The following RYR3 variants were observed in gnomAD, a reference collection of about 807,000 sequenced individuals.
RYR3 encodes brain ryanodine receptor-calcium release channel.
A neutral mutation model predicts 584.3 loss-of-function variants in RYR3; 207 were observed. The ratio of observed to expected loss-of-function variants is 0.35; its 90% confidence interval spans 0.32 to 0.40. The LOEUF (loss-of-function observed/expected upper bound fraction) is 0.40, where lower values mean the gene tolerates loss of function less well. Ranked by LOEUF, RYR3 falls within the 10% of genes least tolerant of loss-of-function variation. RYR3 has a pLI of 1.00. For synonymous variants in RYR3, 2,416 were observed against 2,248.5 expected (o/e 1.07, Z -2.11); for missense variants, 5,616 against 6,089.2 (o/e 0.92, Z 2.59).
At chr15:33,513,132 AT>A (rs1400752112) in intron 3 of RYR3, among the ~76,000 whole-genome samples, 3 of 152,234 alleles carry the variant, frequency 2.0e-5, no homozygotes, top group East Asian at 1.9e-4. Context: ...TCCTAGGAGA[AT>A]GGAAACTCTT....
intron 8 of RYR3, among the ~76,000 whole-genome samples, chr15:33,546,745 G>C (rs996765016): frequency 6.6e-6 from 1 of 152,030 alleles, no homozygotes; most frequent in Non-Finnish European, 1.5e-5. Flanking sequence ...TTCAAACCCA[G>C]GTCTGTCTTA....
intron 12 of RYR3, 59 bp from the exon 13 acceptor site, chr15:33,579,917 G>A (rs559524353): frequency 1.1e-4 from 153 of 1,407,322 alleles, no homozygotes; most frequent in Middle Eastern, 9.1e-4. Context: ...CCCAGTGGGT[G>A]TTCATCAGGG....
chr15:33,766,915 C>T (rs1418686038), intron 60 of RYR3, among the ~76,000 whole-genome samples: 2 of 152,190 alleles, frequency 1.3e-5, no homozygotes, highest in East Asian at 3.9e-4. Context: ...GACGGTGCTT[C>T]CAGTTAAATC....
At chr15:33,495,512 A>T (rs192127942) in intron 2 of RYR3, among the ~76,000 whole-genome samples, 1 of 152,232 alleles carries the variant, frequency 6.6e-6, no homozygotes, top group South Asian at 2.1e-4. Flanking sequence ...TTTATAAAGC[A>T]TCTTAGTGCA....
intron 1 of RYR3, among the ~76,000 whole-genome samples, chr15:33,418,192 T>C (rs1052863200): frequency 2.6e-5 from 4 of 152,130 alleles, no homozygotes; most frequent in South Asian, 2.1e-4. Context: ...ACTAGTTTTA[T>C]AGAATGAGTT....
chr15:33,628,938 T>A (rs572734055), intron 21 of RYR3, among the ~76,000 whole-genome samples: 12 of 152,312 alleles, frequency 7.9e-5, no homozygotes, highest in African/African-American at 2.9e-4. Context: ...CAGAGGAGGA[T>A]AGGGAATCTT....
At chr15:33,605,695 A>G (rs1349171078) in intron 18 of RYR3, among the ~76,000 whole-genome samples, 1 of 152,198 alleles carries the variant, frequency 6.6e-6, no homozygotes, top group African/African-American at 2.4e-5. Flanking sequence ...CAGGGAACAT[A>G]TATCTTGCAG....
chr15:33,385,306 T>C (rs77675421), intron 1 of RYR3, among the ~76,000 whole-genome samples: 8,638 of 152,282 alleles, frequency 0.057, 330 homozygotes, highest in Non-Finnish European at 0.089. Context: ...TTTTTCCCCT[T>C]GTAGAAGGTG....
At chr15:33,840,510 A>T in intron 89 of RYR3, 1 of 358,434 alleles carries the variant, frequency 2.8e-6, no homozygotes, top group Non-Finnish European at 5.0e-6. Context: ...TCTGTGTCCC[A>T]TGTCTTTCTG....
In RYR3 at chr15:33,550,066, A is replaced by G; in HGVS notation, c.816-94A>G. The G allele has an allele frequency of 3.1e-6, 4 of 1,310,280 alleles. No homozygotes were observed. The African/African-American group carries it at 5.9e-5, about 19-fold the overall frequency. 81.2% of individuals were successfully genotyped at this position (1,310,280 alleles called of 1,614,324 possible). On this transcript the variant is annotated intron_variant, in intron 9 of 103. Coordinates refer to ENST00000634891, the MANE Select transcript of RYR3 (RefSeq NM_001036.6). ...TAAGGATGGACACCAGAAGGGTTATAAGTCTGCTAGCATGTGTAAGAAAGC... is the reference window on the plus strand; with the variant it reads ...TAAGGATGGACACCAGAAGGGTTATGAGTCTGCTAGCATGTGTAAGAAAGC...
chr15:33,709,476 G>A (rs953000944), intron 43 of RYR3, among the ~76,000 whole-genome samples: 3 of 152,208 alleles, frequency 2.0e-5, no homozygotes, highest in South Asian at 2.1e-4. Context: ...CCCCTAAAAA[G>A]CATGTTTTAG....
intron 3 of RYR3, among the ~76,000 whole-genome samples, chr15:33,524,549 A>G (rs1211950039): frequency 1.3e-5 from 2 of 152,212 alleles, no homozygotes; most frequent in Non-Finnish European, 2.9e-5. Flanking sequence ...ATCACTACAG[A>G]AAAGGTTATG....
chr15:33,792,607 A>T (rs1273769896), intron 67 of RYR3, among the ~76,000 whole-genome samples: 1 of 152,070 alleles, frequency 6.6e-6, no homozygotes. Flanking sequence ...CATAGGAGAA[A>T]TTTTTAATGT....
intron 38 of RYR3, among the ~76,000 whole-genome samples, chr15:33,677,948 T>C (rs2064298732): frequency 6.6e-6 from 1 of 152,210 alleles, no homozygotes; most frequent in Non-Finnish European, 1.5e-5. Flanking sequence ...CTACGCCTTC[T>C]GGACACCACC....
At chr15:33,595,121 T>C (rs1377646105) in intron 16 of RYR3, among the ~76,000 whole-genome samples, 2 of 152,182 alleles carry the variant, frequency 1.3e-5, no homozygotes, top group Admixed American at 1.3e-4. Context: ...GTTTGTCAAA[T>C]ATAAAAGGTT....
intron 8 of RYR3, among the ~76,000 whole-genome samples, chr15:33,547,890 T>C (rs1419483652): frequency 1.3e-5 from 2 of 152,218 alleles, no homozygotes; most frequent in Non-Finnish European, 2.9e-5. Context: ...TACCTGATGA[T>C]GCATAAATGC....
chr15:33,821,673 A>C, intron 80 of RYR3, 71 bp downstream of exon 80: 29 of 1,474,908 alleles, frequency 2.0e-5, no homozygotes, highest in Non-Finnish European at 2.5e-5. Flanking sequence ...TGCTTCAGGG[A>C]AGAGGAGTTG....
chr15:33,673,483 A>G (rs1279098941), intron 38 of RYR3, among the ~76,000 whole-genome samples: 2 of 152,256 alleles, frequency 1.3e-5, no homozygotes. Context: ...AATGATAATG[A>G]ACAAGTGAAA....
At chr15:33,567,393 T>G (rs188881646) in intron 12 of RYR3, among the ~76,000 whole-genome samples, 5 of 152,320 alleles carry the variant, frequency 3.3e-5, no homozygotes, top group African/African-American at 1.2e-4. Context: ...CTGTGCAGTG[T>G]TCCAAGACCA....
Sources: gnomAD v4.1 joint callset for allele counts (sites outside exome capture counted in the v4.1 genomes callset) on GRCh38, gnomAD v4.1.1 for gene constraint, MANE v1.5 for transcripts, NCBI Gene and HGNC (gene_info 2026-07-23, HGNC 2026-07-21) for gene names.